The following SP140 variants were observed in gnomAD, a reference collection of about 807,000 sequenced individuals.
SP140 encodes the protein nuclear body protein SP140.
A neutral mutation model predicts 125.0 loss-of-function variants in SP140; 81 were observed. The observed-to-expected ratio is 0.65, with a 90% CI of 0.54 to 0.78. The LOEUF (loss-of-function observed/expected upper bound fraction) is 0.78, where lower values mean the gene tolerates loss of function less well. Ranked by LOEUF, SP140 falls within the 30% of genes least tolerant of loss-of-function variation. SP140 has a pLI of 0.00. For synonymous variants in SP140, 312 were observed against 354.0 expected, an observed-to-expected ratio of 0.88 and a Z score of 1.33; for missense variants, 858 against 1,037.0, an observed-to-expected ratio of 0.83 and a Z score of 2.37.
At chr2:230,189,552 T>C in the SP140 span, among the ~76,000 whole-genome samples, 1 of 152,196 alleles carries the variant, frequency 6.6e-6, no homozygotes. Context: ...AGGAGATACT[T>C]AATATAATTT....
At chr2:230,270,089 G>A in intron 14 of SP140, 136 bp downstream of exon 14, 1 of 643,198 alleles carries the variant, frequency 1.6e-6, no homozygotes, top group South Asian at 1.9e-5. Context: ...TTGGGGAGCT[G>A]CAGGGAGGCA....
At chr2:230,215,086 A>G in intron 3 of SP140, 1 of 1,613,982 alleles carries the variant, frequency 6.2e-7, no homozygotes. Context: ...CTCTGGATAC[A>G]GGGATCAAAT....
intron 22 of SP140, among the ~76,000 whole-genome samples, chr2:230,309,360 G>A (rs1042770023): frequency 2.6e-5 from 4 of 152,116 alleles, no homozygotes; most frequent in African/African-American, 9.7e-5. Flanking sequence ...GGGCCCACCT[G>A]GTCATCTCCA....
At position 230,310,037 on chromosome 2, in the gene SP140, G is replaced by A. The variant is rs201933206; in HGVS notation, c.2172G>A (p.Glu724=). ...EDCHIPPVEA[E]RTPWNCIFCR... The stretch of plus-strand genomic sequence containing the variant: ...GTCACATCCCGCCTGTGGAAGCTGA[G>A]AGGTAAGTGACATGCAGGCGTCTCT... The change falls in exon 23 of 27, where the codon GAG becomes GAA. Residue 724 remains glutamate, a splice_region_variant and synonymous_variant. Transcript: ENST00000392045. The A allele has an allele frequency of 4.8e-5, 77 of 1,614,124 alleles. No homozygotes were observed. The highest frequency in any genetic ancestry group is 1.6e-4 in the Middle Eastern group (1 of 6,062).
At chr2:230,310,290 G>A (rs1559380279) in intron 23 of SP140, 4 of 526,134 alleles carry the variant, frequency 7.6e-6, no homozygotes, top group South Asian at 6.8e-5. Flanking sequence ...CTACATACCG[G>A]CATTGTCCTT....
At chr2:230,305,665 G>A (rs576787827) in intron 22 of SP140, among the ~76,000 whole-genome samples, 59 of 152,370 alleles carry the variant, frequency 3.9e-4, no homozygotes, top group African/African-American at 1.1e-3. Context: ...CACACGTAGC[G>A]TGGGGGTCGG....
chr2:230,224,533 G>GGAGA (rs138737381), upstream of SP140, among the ~76,000 whole-genome samples: 1 of 150,724 alleles, frequency 6.6e-6, no homozygotes, highest in Non-Finnish European at 1.5e-5. Context: ...GAGAGAGAGA[G>GGAGA]GAGAGAGAGA....
intron 12 of SP140, among the ~76,000 whole-genome samples, chr2:230,257,027 G>T (rs1055082114): frequency 6.6e-6 from 1 of 152,046 alleles, no homozygotes; most frequent in African/African-American, 2.4e-5. Context: ...TAAGACCCAA[G>T]AAAAAAGAAA....
chr2:230,225,944 G>C, intron 1 of SP140, 41 bp downstream of exon 1: 1 of 1,544,672 alleles, frequency 6.5e-7, no homozygotes, highest in African/African-American at 1.4e-5. Context: ...TTCATCTCTG[G>C]TAGGGTTCCC....
chr2:230,250,411 T>C (rs1158608676), intron 9 of SP140, among the ~76,000 whole-genome samples: 2 of 152,176 alleles, frequency 1.3e-5, no homozygotes, highest in Non-Finnish European at 2.9e-5. Flanking sequence ...AATGATCTGA[T>C]CTTTCTTTTA....
chr2:230,294,977 G>A (rs974981969), intron 21 of SP140, among the ~76,000 whole-genome samples: 6 of 152,200 alleles, frequency 3.9e-5, no homozygotes, highest in African/African-American at 1.4e-4. Flanking sequence ...TTTTATAGGA[G>A]GGGCTGACCA....
At chr2:230,256,766 G>T (rs2051282770) in intron 12 of SP140, among the ~76,000 whole-genome samples, 1 of 152,096 alleles carries the variant, frequency 6.6e-6, no homozygotes, top group South Asian at 2.1e-4. Context: ...TCACAAACTT[G>T]ACAAAGCCTT....
chr2:230,294,243 C>A (rs1294095824), intron 20 of SP140, 28 bp from the exon 21 acceptor site: 7 of 1,602,450 alleles, frequency 4.4e-6, no homozygotes, highest in Non-Finnish European at 6.0e-6. Flanking sequence ...ACAGGCTGAC[C>A]ATATACCTGA....
At chr2:230,270,203 G>A (rs1046765905) in intron 14 of SP140, among the ~76,000 whole-genome samples, 1 of 152,174 alleles carries the variant, frequency 6.6e-6, no homozygotes, top group Non-Finnish European at 1.5e-5. Flanking sequence ...CTTGTGTATT[G>A]CATTAGTATA....
At chr2:230,313,832 A>G (rs765123379), downstream of SP140, among the ~76,000 whole-genome samples, 4 of 152,232 alleles carry the variant, frequency 2.6e-5, no homozygotes, top group Non-Finnish European at 4.4e-5. Context: ...GAAGAGCTGC[A>G]GGTCAAGAGG....
At chr2:230,202,609 T>A (rs202134678), upstream of SP140, 3 of 1,613,802 alleles carry the variant, frequency 1.9e-6, no homozygotes, top group Non-Finnish European at 2.5e-6. Context: ...GCACATTCAG[T>A]TCTCGCCTTT....
At chr2:230,195,917 T>C in the SP140 span, among the ~76,000 whole-genome samples, 1 of 152,034 alleles carries the variant, frequency 6.6e-6, no homozygotes, top group South Asian at 2.1e-4. Context: ...TGAATGGTAA[T>C]CTAGGAAAAT....
rs1269072974 is a variant in SP140 at position 230,214,930 on chromosome 2, C to A, written c.-91+856C>A. 1.9e-6 allele frequency: 3 copies of A among 1,610,068 alleles called. No homozygotes were observed. In the Admixed American group the frequency reaches 5.0e-5, roughly 27 times the overall value. ...ATAGCAACTTTTTAAATGCAAAAAG[C>A]ACTTGAGAAATCTCATTACCACGTT... On this transcript the variant is annotated intron_variant, in intron 3 of 4. Transcript: ENST00000456542.
chr2:230,310,388 G>C (rs563072287), intron 23 of SP140: 1 of 491,376 alleles, frequency 2.0e-6, no homozygotes, highest in South Asian at 2.1e-5. Flanking sequence ...CAGGAAGCAC[G>C]ATCTCATTGG....
Sources: allele counts gnomAD v4.1 joint callset (sites outside exome capture counted in the v4.1 genomes callset), GRCh38; gene constraint gnomAD v4.1.1; transcripts MANE v1.5; gene names NCBI Gene and HGNC (gene_info 2026-07-23, HGNC 2026-07-21).